The following DKK3 variants were observed in gnomAD, a reference collection of about 807,000 sequenced individuals.
DKK3 encodes dickkopf-related protein 3.
A neutral mutation model predicts 33.2 loss-of-function variants in DKK3; 22 were observed. The observed-to-expected ratio is 0.66, with a 90% CI of 0.47 to 0.95. The LOEUF (loss-of-function observed/expected upper bound fraction) is 0.95, where lower values mean the gene tolerates loss of function less well. Among genes scored for constraint, DKK3 ranks in the 40% least tolerant of loss-of-function variants. The pLI is 0.00. For synonymous variants in DKK3, 194 were observed against 188.8 expected (o/e 1.03, Z -0.23); for missense variants, 398 against 458.4 (o/e 0.87, Z 1.20).
intron 3 of DKK3, among the ~76,000 whole-genome samples, chr11:11,993,249 G>T (rs980680485): frequency 6.6e-6 from 1 of 152,130 alleles, no homozygotes; most frequent in Non-Finnish European, 1.5e-5. Flanking sequence ...CCTCTGGAAA[G>T]ATCTACTAAT....
upstream of DKK3, chr11:12,009,617 G>A (rs1658246293): frequency 2.0e-6 from 2 of 985,740 alleles, no homozygotes; most frequent in Admixed American, 6.1e-5. Context: ...TGGGGGTAGG[G>A]GGAATGTTCC....
intron 3 of DKK3, chr11:11,979,204 C>A (rs181853293): frequency 6.6e-6 from 1 of 152,520 alleles, no homozygotes; most frequent in Non-Finnish European, 1.5e-5. Flanking sequence ...AACTGTCCTA[C>A]CCTTGTGTCA....
intron 3 of DKK3, among the ~76,000 whole-genome samples, chr11:11,989,920 G>C (rs1480174684): frequency 1.3e-5 from 2 of 152,158 alleles, no homozygotes; most frequent in Non-Finnish European, 2.9e-5. Flanking sequence ...TGTCTGCCTT[G>C]TATCATTGTC....
rs1847538828 is a variant in DKK3 at position 11,964,621 on chromosome 11, AG to A, written c.895del (p.Leu299CysfsTer30). The A allele has an allele frequency of 6.2e-7, 1 of 1,614,070 alleles. No individual in the cohort carries two copies. The highest frequency in any genetic ancestry group is 8.5e-7 in the Non-Finnish European group (1 of 1,180,038). ...VGSRDQDGEI[L>X]LPREVPDEYE... ...CTCATCGGGGACCTCTCTGGGCAGCAGGATCTCCCCATCTTGGTCACGGCTC... is the reference window on the plus strand; with the variant it reads ...CTCATCGGGGACCTCTCTGGGCAGCAGATCTCCCCATCTTGGTCACGGCTC... On this transcript the variant is annotated frameshift_variant, in exon 7 of 7. Transcript: ENST00000683431. LOFTEE classifies it high-confidence loss of function.
intron 4 of DKK3, 27 bp from the exon 5 acceptor site, chr11:11,967,125 G>A (rs1173365662): frequency 6.2e-7 from 1 of 1,609,366 alleles, no homozygotes; most frequent in African/African-American, 1.3e-5. Context: ...AGAGCCTAGA[G>A]CCAGCGGCTT....
rs990100783 is a variant in DKK3 at position 12,008,266 on chromosome 11, C to G, written c.213+104G>C. The stretch of plus-strand genomic sequence containing the variant: ...TGCTGTCGGCCCTTCCCAGGCCCTG[C>G]GCGGGACCCGAGGTCCCTGGCCAGC... On this transcript the variant is annotated intron_variant, in intron 1 of 6. Transcript: ENST00000683431. This position sits in a 1 kb window ranked among gnomAD's most constrained non-coding sequence, Gnocchi z 4.6. The G allele has an allele frequency of 7.0e-7, 1 of 1,419,652 alleles. No homozygotes were observed. Among genetic ancestry groups the G allele is most frequent in the Non-Finnish European group, 9.4e-7 (1 of 1,068,728 alleles). The allele number at this position is 1,419,652 out of a possible 1,614,324, so 87.9% of individuals were successfully genotyped here. A position where few individuals can be genotyped will look rare whatever the true frequency, so the allele number is the denominator to read the frequency against.
chr11:11,983,647 G>A (rs1372108008), intron 3 of DKK3, among the ~76,000 whole-genome samples: 2 of 152,220 alleles, frequency 1.3e-5, no homozygotes, highest in East Asian at 1.9e-4. Context: ...ACAGGACAGA[G>A]GCCTTCTCCA....
chr11:11,980,621 C>T (rs1847935283), intron 3 of DKK3, among the ~76,000 whole-genome samples: 1 of 152,148 alleles, frequency 6.6e-6, no homozygotes. Context: ...CAGATGTCTC[C>T]TCCTCAAGGA....
Position 12,008,603 on chromosome 11 carries a change from C to A in DKK3, c.-21G>T. On this transcript the variant is annotated 5_prime_UTR_variant, in exon 1 of 7. Coordinates refer to ENST00000683431, the MANE Select transcript of DKK3 (RefSeq NM_001018057.2). This position sits in a 1 kb window ranked among gnomAD's most constrained non-coding sequence, Gnocchi z 4.6. ...TGCATCTCCGCTCTGCGCCCGCAGC[C>A]GCCGCCTGTGTGTCCCGGAACGCGA... 1 of 1,379,432 alleles carries A rather than the reference C, an allele frequency of 7.2e-7. No homozygotes were observed. 85.4% of individuals were successfully genotyped at this position (1,379,432 alleles called of 1,614,324 possible).
chr11:12,004,259 G>A (rs1399593847), intron 1 of DKK3, among the ~76,000 whole-genome samples: 1 of 152,174 alleles, frequency 6.6e-6, no homozygotes, highest in Non-Finnish European at 1.5e-5. Flanking sequence ...CTTATTCTGA[G>A]GATTTCCCTC....
At chr11:11,989,856 T>G (rs1848152054) in intron 3 of DKK3, among the ~76,000 whole-genome samples, 1 of 152,204 alleles carries the variant, frequency 6.6e-6, no homozygotes, top group East Asian at 1.9e-4. Context: ...AAGTTCTGTT[T>G]TATAATTTTC....
intron 3 of DKK3, among the ~76,000 whole-genome samples, chr11:11,989,434 G>A (rs1848142022): frequency 6.6e-6 from 1 of 152,124 alleles, no homozygotes; most frequent in East Asian, 1.9e-4. Flanking sequence ...TCTGATACCT[G>A]CTACAGCATG....
chr11:11,964,413 G>T lies in DKK3; in HGVS notation c.*51C>A. ...CCCACGCCTAAAGCACACACCTGGGGAAATAAATTAGCTATTTCTATTGCA... is the reference window on the plus strand; with the variant it reads ...CCCACGCCTAAAGCACACACCTGGGTAAATAAATTAGCTATTTCTATTGCA... On this transcript the variant is annotated 3_prime_UTR_variant, in exon 7 of 7. Transcript: ENST00000683431. The T allele has an allele frequency of 6.3e-7, 1 of 1,589,346 alleles. No homozygotes were observed. The highest frequency in any genetic ancestry group is 8.5e-7 in the Non-Finnish European group (1 of 1,172,272).
chr11:11,968,718 C>T, intron 3 of DKK3: 4 of 475,060 alleles, frequency 8.4e-6, no homozygotes, highest in Non-Finnish European at 1.5e-5. Flanking sequence ...GGATCCCACA[C>T]CAAATTCACA....
chr11:11,990,568 T>C (rs1022663400), intron 3 of DKK3, among the ~76,000 whole-genome samples: 14 of 152,206 alleles, frequency 9.2e-5, no homozygotes, highest in African/African-American at 2.7e-4. Flanking sequence ...GTACAGGACA[T>C]GGTAAAGCAC....
chr11:11,992,701 A>T (rs1378180650), intron 3 of DKK3, among the ~76,000 whole-genome samples: 1 of 152,248 alleles, frequency 6.6e-6, no homozygotes, highest in African/African-American at 2.4e-5. Context: ...TACATTTGAT[A>T]AAATTTACAG....
intron 3 of DKK3, among the ~76,000 whole-genome samples, chr11:11,983,371 G>A (rs1847997157): frequency 6.6e-6 from 1 of 152,182 alleles, no homozygotes; most frequent in Non-Finnish European, 1.5e-5. Flanking sequence ...GAGAGAACTG[G>A]GAGGTGACAA....
chr11:11,967,739 G>C (rs1160177300), intron 4 of DKK3, among the ~76,000 whole-genome samples: 2 of 152,274 alleles, frequency 1.3e-5, no homozygotes, highest in Admixed American at 6.5e-5. Flanking sequence ...GTGAGTCCAT[G>C]TGGCTTCGTC....
At chr11:11,986,283 C>T (rs56073921) in intron 3 of DKK3, among the ~76,000 whole-genome samples, 25,342 of 152,158 alleles carry the variant, frequency 0.17, 2,341 homozygotes, top group South Asian at 0.26. Flanking sequence ...CATCGCATCA[C>T]TGAAATGTGT....
Sources: allele counts gnomAD v4.1 joint callset (sites outside exome capture counted in the v4.1 genomes callset), GRCh38; gene constraint gnomAD v4.1.1; non-coding constraint Gnocchi (gnomAD v3.1); transcripts MANE v1.5; gene names NCBI Gene and HGNC (gene_info 2026-07-23, HGNC 2026-07-21).